UGGT2: variants seen among roughly 807,000 people sequenced by gnomAD.
The protein encoded by UGGT2 is UDP-glucose:glycoprotein glucosyltransferase 2.
In UGGT2, 180 loss-of-function variants were observed where a neutral mutation model predicts 192.1. The ratio of observed to expected loss-of-function variants is 0.94; its 90% CI spans 0.83 to 1.06. UGGT2 has a LOEUF of 1.06. Among genes scored for constraint, UGGT2 ranks in the 50% least tolerant of loss-of-function variants. The pLI, the probability that UGGT2 is intolerant of heterozygous loss-of-function variation, is 0.00. For missense variants in UGGT2, 1,849 were observed against 1,795.7 expected (o/e 1.03, Z -0.54); for synonymous variants, 580 against 591.0 (o/e 0.98, Z 0.27).
At chr13:95,920,071 C>T (rs778752983) in intron 20 of UGGT2, among the ~76,000 whole-genome samples, 4 of 152,044 alleles carry the variant, frequency 2.6e-5, no homozygotes, top group Non-Finnish European at 2.9e-5. Flanking sequence ...ATCTGATCTT[C>T]GACAAACCTG....
chr13:96,011,482 T>C (rs1347175820), intron 5 of UGGT2, among the ~76,000 whole-genome samples: 1 of 152,086 alleles, frequency 6.6e-6, no homozygotes, highest in African/African-American at 2.4e-5. Context: ...GATACCACTG[T>C]GTACCTAGAA....
rs543398806 is a variant in UGGT2 at position 95,960,132 on chromosome 13, A to T, written c.1335+9980T>A. The stretch of plus-strand genomic sequence containing the variant: ...TCTTCCCCTAACAATGGAAATTTTT[A>T]AAAAATGGAATAAGTAACTGTTACA... On this transcript the variant is annotated intron_variant, in intron 12 of 38. Coordinates refer to ENST00000376747, the MANE Select transcript of UGGT2 (RefSeq NM_020121.4). 7.2e-4 allele frequency among the ~76,000 whole-genome samples: 109 copies of T among 152,324 alleles called. 1 individual carries two copies. The highest frequency in any genetic ancestry group is 1.2e-3 in the Non-Finnish European group (79 of 68,030).
chr13:95,934,683 T>G (rs1038196933), intron 17 of UGGT2, among the ~76,000 whole-genome samples: 1 of 152,276 alleles, frequency 6.6e-6, no homozygotes, highest in Non-Finnish European at 1.5e-5. Flanking sequence ...GGCTAAGTTT[T>G]AAGTTTTTTG....
intron 12 of UGGT2, among the ~76,000 whole-genome samples, chr13:95,958,849 G>GT (rs1015064463): frequency 6.7e-6 from 1 of 148,306 alleles, no homozygotes; most frequent in African/African-American, 2.7e-5. Flanking sequence ...CAAGGAAAGT[G>GT]TAAGTGAGAG....
rs561387631 is a variant in UGGT2 at position 95,801,746 on chromosome 13, G to A, written c.*44C>T. The A allele has an allele frequency of 1.9e-6, 3 of 1,608,010 alleles. No homozygotes were observed. Among genetic ancestry groups the A allele is most frequent in the Admixed American group, 1.7e-5 (1 of 59,280 alleles). The stretch of plus-strand genomic sequence containing the variant: ...CTCCAGACTTCCCCAGCAGGCGGCA[G>A]GTTTCCTGTCATGCTTTCGCCTTCC... On this transcript the variant is annotated 3_prime_UTR_variant, in exon 39 of 39. Transcript: ENST00000376747.
rs370625710 is a variant in UGGT2 at position 95,820,672 on chromosome 13, G to A, written c.4528+12255C>T. Among the ~76,000 whole-genome samples, 21 of 151,842 alleles carry A rather than the reference G, an allele frequency of 1.4e-4. No individual in the cohort carries two copies. The East Asian group carries it at 1.7e-3, about 13-fold the overall frequency. On this transcript the variant is annotated intron_variant, in intron 38 of 38. Transcript: ENST00000376747. The stretch of plus-strand genomic sequence containing the variant: ...CGGTTACTTGGATGAATTCCATAGC[G>A]GTGAATTCTCAGATTTTAGTGTACC...
intron 12 of UGGT2, 50 bp from the exon 13 acceptor site, chr13:95,949,504 T>C (rs994883834): frequency 7.2e-7 from 1 of 1,380,712 alleles, no homozygotes; most frequent in East Asian, 2.6e-5. Flanking sequence ...ACTGAAATCA[T>C]TTTCAAAGCC....
intron 20 of UGGT2, among the ~76,000 whole-genome samples, chr13:95,904,140 G>T (rs1055374778): frequency 3.3e-5 from 5 of 151,946 alleles, no homozygotes; most frequent in African/African-American, 1.2e-4. Flanking sequence ...TCTATGGCTT[G>T]TTTTGTAGTG....
chr13:95,939,942 A>C lies in UGGT2; in HGVS notation c.1812+15T>G, dbSNP rs2049608873. 2 of 1,584,724 alleles carry C rather than the reference A, an allele frequency of 1.3e-6. No homozygotes were observed. The highest frequency in any genetic ancestry group is 1.7e-6 in the Non-Finnish European group (2 of 1,164,136). On this transcript the variant is annotated intron_variant, in intron 16 of 38. Transcript: ENST00000376747. ...GTGCCTGGCCTACTCCACTTAACAT[A>C]ATGTCCCAACTTACCTTTCTTTCTT...
At chr13:95,971,486 T>TG (rs368818053) in intron 11 of UGGT2, among the ~76,000 whole-genome samples, 31 of 152,022 alleles carry the variant, frequency 2.0e-4, no homozygotes, top group African/African-American at 7.5e-4. Flanking sequence ...GTGTAGGAGC[T>TG]GGGGGGTTTT....
chr13:95,936,897 T>C (rs759650348), intron 17 of UGGT2, 27 bp downstream of exon 17: 5 of 1,462,656 alleles, frequency 3.4e-6, no homozygotes, highest in South Asian at 1.5e-5. Flanking sequence ...ATATTCATCA[T>C]GTATTTTCTT....
rs539523494 is a variant in UGGT2, at chr13:95,803,507, G to A, written c.4529-1695C>T. Among the ~76,000 whole-genome samples, 205 of 152,220 alleles carry A rather than the reference G, an allele frequency of 1.3e-3. 1 individual carries two copies. The highest frequency in any genetic ancestry group is 4.2e-3 in the African/African-American group (176 of 41,530). On this transcript the variant is annotated intron_variant, in intron 38 of 38. Transcript: ENST00000376747. ...ACTCCCGACCTCAGGTGATCCACCCGCCTTGGCCTCCCAAAGTGCTGGGAT... is the reference window on the plus strand; with the variant it reads ...ACTCCCGACCTCAGGTGATCCACCCACCTTGGCCTCCCAAAGTGCTGGGAT...
chr13:96,031,765 A>G lies in UGGT2; in HGVS notation c.241+124T>C, dbSNP rs1260405922. Reference sequence around the variant, plus strand: ...TCTATTAAAACATATTTTCAAATTTAATGTTCGGATTTACTAACCCAGTGA... The same window carrying G: ...TCTATTAAAACATATTTTCAAATTTGATGTTCGGATTTACTAACCCAGTGA... On this transcript the variant is annotated intron_variant, in intron 2 of 38. Coordinates refer to ENST00000376747, the MANE Select transcript of UGGT2 (RefSeq NM_020121.4). The G allele has an allele frequency of 7.3e-5, 47 of 640,428 alleles. No individual in the cohort carries two copies. The East Asian group carries it at 1.4e-3, about 19-fold the overall frequency. 39.7% of individuals were successfully genotyped at this position (640,428 alleles called of 1,614,324 possible). A position where few individuals can be genotyped will look rare whatever the true frequency, so the allele number is the denominator to read the frequency against.
At chr13:95,858,273 G>A (rs369649766) in intron 33 of UGGT2, among the ~76,000 whole-genome samples, 14 of 151,720 alleles carry the variant, frequency 9.2e-5, no homozygotes, top group African/African-American at 3.4e-4. Flanking sequence ...CTCTACCCTT[G>A]GAATTTCCTG....
intron 5 of UGGT2, among the ~76,000 whole-genome samples, chr13:96,009,005 C>G (rs2052070782): frequency 6.6e-6 from 1 of 152,114 alleles, no homozygotes; most frequent in African/African-American, 2.4e-5. Flanking sequence ...TACAGAGCAA[C>G]AGAACAGAAT....
intron 4 of UGGT2, among the ~76,000 whole-genome samples, chr13:96,018,484 C>G (rs970358672): frequency 6.6e-6 from 1 of 152,202 alleles, no homozygotes. Flanking sequence ...CCACTGCACT[C>G]TAGCCTGGGC....
chr13:95,820,249 T>C (rs1885369151), intron 38 of UGGT2, among the ~76,000 whole-genome samples: 1 of 152,202 alleles, frequency 6.6e-6, no homozygotes, highest in African/African-American at 2.4e-5. Context: ...AATCTTTTTC[T>C]TGGAAAACAT....
intron 2 of UGGT2, among the ~76,000 whole-genome samples, chr13:96,030,667 C>G (rs1015869470): frequency 1.2e-4 from 18 of 152,086 alleles, no homozygotes; most frequent in African/African-American, 4.3e-4. Flanking sequence ...TTTTAATCAC[C>G]AATAGTAAGA....
At chr13:95,833,761 G>C (rs1331269346) in intron 37 of UGGT2, among the ~76,000 whole-genome samples, 1 of 152,154 alleles carries the variant, frequency 6.6e-6, no homozygotes, top group Non-Finnish European at 1.5e-5. Flanking sequence ...AAAGCCACCA[G>C]TACCTTTGGC....
Sources: allele counts gnomAD v4.1 joint callset (sites outside exome capture counted in the v4.1 genomes callset), GRCh38; gene constraint gnomAD v4.1.1; transcripts MANE v1.5; gene names NCBI Gene and HGNC (gene_info 2026-07-23, HGNC 2026-07-21).